EXOC2: variants seen among roughly 807,000 people sequenced by gnomAD.
The protein encoded by EXOC2 is exocyst complex component 2, also known as SEC5-like 1.
EXOC2 carries 70 observed loss-of-function variants against 131.8 expected under a neutral mutation model. The observed-to-expected ratio is 0.53, with a 90% CI of 0.44 to 0.65. The LOEUF (loss-of-function observed/expected upper bound fraction) is 0.65, where lower values mean the gene tolerates loss of function less well. EXOC2 is among the 30% of genes least tolerant of loss of function. The pLI is 0.00. For missense variants in EXOC2, 923 were observed against 1,108.6 expected (o/e 0.83, Z 2.38); for synonymous variants, 411 against 398.4 (o/e 1.03, Z -0.38).
chr6:532,006 C>T (rs1766114415), intron 23 of EXOC2, among the ~76,000 whole-genome samples: 1 of 152,174 alleles, frequency 6.6e-6, no homozygotes, highest in South Asian at 2.1e-4. Context: ...ATTCTCTTTG[C>T]TAAATTACTA....
intron 22 of EXOC2, among the ~76,000 whole-genome samples, chr6:534,393 T>C (rs745501869): frequency 5.4e-4 from 82 of 151,902 alleles, no homozygotes; most frequent in Non-Finnish European, 1.1e-3. Flanking sequence ...ACTGTTAAAG[T>C]TTCTAGTTTC....
chr6:571,719 A>C (rs965803068), intron 13 of EXOC2, among the ~76,000 whole-genome samples: 1 of 152,114 alleles, frequency 6.6e-6, no homozygotes. Context: ...CTCTCAGAAG[A>C]CCCCTATCTC....
At chr6:549,322 C>T (rs774444840) in intron 21 of EXOC2, 31 bp from the exon 22 acceptor site, 1 of 1,514,308 alleles carries the variant, frequency 6.6e-7, no homozygotes, top group South Asian at 1.1e-5. Flanking sequence ...TAGAAAATCA[C>T]CTTTATGGTG....
chr6:555,275 C>A lies in EXOC2; in HGVS notation c.2006G>T (p.Cys669Phe). ...SINIMQVFIYCLEQLSTKPDA... is the reference protein window; with the variant it reads ...SINIMQVFIYFLEQLSTKPDA... ...AGGCTTGGTGCTCAACTGTTCCAGACAGTATATAAAAACCTAAGTGAAAAC... is the reference window on the plus strand; with the variant it reads ...AGGCTTGGTGCTCAACTGTTCCAGAAAGTATATAAAAACCTAAGTGAAAAC... Residue 669 changes from cysteine (C) to phenylalanine (F), a missense_variant, in exon 20 of 28, where the codon TGT becomes TTT. Coordinates refer to ENST00000230449, the MANE Select transcript of EXOC2 (RefSeq NM_018303.6). 1 of 1,527,520 alleles carries A rather than the reference C, an allele frequency of 6.5e-7. No homozygotes were observed. The highest frequency in any genetic ancestry group is 8.9e-7 in the Non-Finnish European group (1 of 1,124,384). The allele number at this position is 1,527,520 out of a possible 1,614,324, so 94.6% of individuals were successfully genotyped here.
chr6:551,411 C>G (rs998075861), intron 21 of EXOC2, among the ~76,000 whole-genome samples: 1 of 152,126 alleles, frequency 6.6e-6, no homozygotes, highest in African/African-American at 2.4e-5. Context: ...AATTTGGTCA[C>G]AAAAAAACAC....
At position 545,791 on chromosome 6, in the gene EXOC2, C is replaced by A. The variant is rs1756818304; in HGVS notation, c.2238+3384G>T. Among the ~76,000 whole-genome samples, 4 of 152,086 alleles carry A rather than the reference C, an allele frequency of 2.6e-5. No homozygotes were observed. The South Asian group carries it at 8.3e-4, about 32-fold the overall frequency. ...TATCTTCACTTCTCAGTAACAACAA[C>A]AAAAATTAAAAATAACCTTAAGGTT... On this transcript the variant is annotated intron_variant, in intron 22 of 27. Coordinates refer to ENST00000230449, the MANE Select transcript of EXOC2 (RefSeq NM_018303.6).
At chr6:569,505 T>TA (rs1463811171) in intron 13 of EXOC2, among the ~76,000 whole-genome samples, 2 of 152,184 alleles carry the variant, frequency 1.3e-5, no homozygotes, top group African/African-American at 4.8e-5. Context: ...AAATTGTGTT[T>TA]AAAAACTATC....
intron 1 of EXOC2, among the ~76,000 whole-genome samples, chr6:678,944 A>T (rs1213208366): frequency 6.6e-6 from 1 of 152,204 alleles, no homozygotes; most frequent in Non-Finnish European, 1.5e-5. Flanking sequence ...AACTTCAAAC[A>T]TCTATAGAGT....
chr6:488,373 A>G (rs1358099341), intron 27 of EXOC2, among the ~76,000 whole-genome samples: 1 of 152,228 alleles, frequency 6.6e-6, no homozygotes, highest in Non-Finnish European at 1.5e-5. Context: ...GAGCCTGGGC[A>G]TTTATGAAAT....
In EXOC2 at chr6:486,568, T is replaced by G. The variant is rs1448320157; in HGVS notation, c.*103A>C. The G allele has an allele frequency of 9.5e-7, 1 of 1,049,992 alleles. No individual in the cohort carries two copies. The highest frequency in any genetic ancestry group is 1.4e-6 in the Non-Finnish European group (1 of 715,140). The allele number at this position is 1,049,992 out of a possible 1,614,324, so 65.0% of individuals were successfully genotyped here. On this transcript the variant is annotated 3_prime_UTR_variant, in exon 28 of 28. Transcript: ENST00000230449. The stretch of plus-strand genomic sequence containing the variant: ...GTCAGAGGAAGAAAAAAGAGAAAAA[T>G]GGCAAACCCAATGTTTAATACACCA...
rs73716847 is a variant in EXOC2 at position 609,958 on chromosome 6, T to C, written c.742+140A>G. On this transcript the variant is annotated intron_variant, in intron 7 of 27. Coordinates refer to ENST00000230449, the MANE Select transcript of EXOC2 (RefSeq NM_018303.6). The stretch of plus-strand genomic sequence containing the variant: ...TTTTCAATGTTTCTATTCTCCTTTG[T>C]GTTCATTAAATCACTACTATTTAGA... 3,038 of 624,850 alleles carry C rather than the reference T, an allele frequency of 4.9e-3. 67 individuals are homozygous for C. In the African/African-American group the frequency reaches 0.049, roughly 10 times the overall value. The allele number at this position is 624,850 out of a possible 1,614,324, so 38.7% of individuals were successfully genotyped here.
At chr6:633,230 A>G in intron 2 of EXOC2, 113 bp from the exon 3 acceptor site, 2 of 1,108,136 alleles carry the variant, frequency 1.8e-6, no homozygotes, top group Non-Finnish European at 2.5e-6. Flanking sequence ...ATTATTGAAT[A>G]TACCCAATAT....
rs183331994 is a variant in EXOC2 at position 504,411 on chromosome 6, G to A, written c.2381-4711C>T. Among the ~76,000 whole-genome samples, 394 of 152,348 alleles carry A rather than the reference G, an allele frequency of 2.6e-3. 4 individuals carry two copies. Among genetic ancestry groups the A allele is most frequent in the Non-Finnish European group, 4.3e-3 (291 of 68,030 alleles). On this transcript the variant is annotated intron_variant, in intron 23 of 27. Coordinates refer to ENST00000230449, the MANE Select transcript of EXOC2 (RefSeq NM_018303.6). The stretch of plus-strand genomic sequence containing the variant: ...AAGGACCTCAGTTGTGGCTCCTGGC[G>A]GCAGGACCAGAATCTGATTTTTGGT...
In EXOC2 at chr6:633,027, T is replaced by A. The variant is rs764529892; in HGVS notation, c.209A>T (p.Asp70Val). The A allele has an allele frequency of 1.2e-6, 2 of 1,614,214 alleles. No homozygotes were observed. The highest frequency in any genetic ancestry group is 1.7e-6 in the Non-Finnish European group (2 of 1,180,036). ...IVCRVGQAKN[D>V]KGDIIVTTKS... ...AGTGGTGACAATAATGTCTCCTTTG[T>A]CATTTTTGGCTTGTCCCACTCGACA... is the stretch of plus-strand genomic sequence containing the variant. Residue 70 changes from aspartate to valine, a missense_variant, in exon 3 of 28, where the codon GAC becomes GTC. By Grantham distance (152) the Asp-to-Val change is radical. Transcript: ENST00000230449.
At chr6:515,224 C>T (rs539960320) in intron 23 of EXOC2, among the ~76,000 whole-genome samples, 3 of 152,280 alleles carry the variant, frequency 2.0e-5, no homozygotes, top group African/African-American at 7.2e-5. Context: ...TAACTTACTT[C>T]CACCCCACTC....
chr6:677,409 A>G (rs1005261051), intron 1 of EXOC2, among the ~76,000 whole-genome samples: 1 of 152,254 alleles, frequency 6.6e-6, no homozygotes, highest in African/African-American at 2.4e-5. Context: ...TTTATTTAAA[A>G]TATTTTTCAA....
At position 598,143 on chromosome 6, in the gene EXOC2, T is replaced by C. The variant is rs1389379451; in HGVS notation, c.971-20A>G. 5 of 1,551,494 alleles carry C rather than the reference T, an allele frequency of 3.2e-6. No individual in the cohort carries two copies. Among genetic ancestry groups the C allele is most frequent in the African/African-American group, 2.7e-5 (2 of 72,846 alleles). On this transcript the variant is annotated intron_variant, in intron 9 of 27. Coordinates refer to ENST00000230449, the MANE Select transcript of EXOC2 (RefSeq NM_018303.6). The stretch of plus-strand genomic sequence containing the variant: ...CATAATCTATTTAAAAAGAAAAGAA[T>C]ACACAAGATTTACAGAATGAAAATT...
chr6:691,646 T>G lies in EXOC2; in HGVS notation c.-44+1373A>C, dbSNP rs578045383. 2.6e-5 allele frequency among the ~76,000 whole-genome samples: 4 copies of G among 152,362 alleles called. No individual in the cohort carries two copies. In the South Asian group the frequency reaches 8.3e-4, roughly 32 times the overall value. ...CTTCTGGTCAACAGTAGGCTATTAG[T>G]AAAGTCCTGGGAAAGTCAAAAGTTA... On this transcript the variant is annotated intron_variant, in intron 1 of 27. Transcript: ENST00000230449.
intron 25 of EXOC2, among the ~76,000 whole-genome samples, chr6:493,594 T>C (rs1188753121): frequency 6.6e-6 from 1 of 152,168 alleles, no homozygotes; most frequent in African/African-American, 2.4e-5. Flanking sequence ...TCTGCCAAAA[T>C]CACCAAACTG....
Sources: gnomAD v4.1 joint callset for allele counts (sites outside exome capture counted in the v4.1 genomes callset) on GRCh38, gnomAD v4.1.1 for gene constraint, MANE v1.5 for transcripts, NCBI Gene and HGNC (gene_info 2026-07-23, HGNC 2026-07-21) for gene names.